Variants in NEGR1 observed in about 807,000 individuals in gnomAD.
NEGR1 encodes the protein IgLON family member 4.
A neutral mutation model predicts 40.9 loss-of-function variants in NEGR1; 10 were observed. The observed-to-expected ratio is 0.24, with a 90% CI of 0.15 to 0.42. NEGR1 has a LOEUF of 0.42. NEGR1 is among the 10% of genes least tolerant of loss of function. The pLI, the probability that NEGR1 is intolerant of heterozygous loss-of-function variation, is 1.00. For missense variants in NEGR1, 352 were observed against 438.9 expected (o/e 0.80, Z 1.77); for synonymous variants, 185 against 166.8 (o/e 1.11, Z -0.84).
At chr1:71,459,195 A>C (rs1048314768) in intron 6 of NEGR1, among the ~76,000 whole-genome samples, 1 of 152,164 alleles carries the variant, frequency 6.6e-6, no homozygotes, top group African/African-American at 2.4e-5. Context: ...TTTTCTTCCA[A>C]TAACAGCTAA....
rs184343710 is a variant in NEGR1 at position 71,869,517 on chromosome 1, C to T, written c.409+65562G>A. Among the ~76,000 whole-genome samples the T allele has an allele frequency of 8.5e-5, 13 of 152,244 alleles. No homozygotes were observed. The East Asian group carries it at 2.5e-3, about 29-fold the overall frequency. ...AGTCCATAAGGGAAATGCAATTAGT[C>T]TCACATTTATTTAATGTGATGGATA... On this transcript the variant is annotated intron_variant, in intron 2 of 6. Coordinates refer to ENST00000357731, the MANE Select transcript of NEGR1 (RefSeq NM_173808.3).
intron 6 of NEGR1, among the ~76,000 whole-genome samples, chr1:71,550,741 A>G (rs551121165): frequency 6.6e-6 from 1 of 151,638 alleles, no homozygotes; most frequent in South Asian, 2.1e-4. Context: ...CTGGACCACA[A>G]TTTTTCCTTG....
At chr1:72,026,949 G>A (rs924622737) in intron 1 of NEGR1, among the ~76,000 whole-genome samples, 3 of 151,452 alleles carry the variant, frequency 2.0e-5, no homozygotes, top group Non-Finnish European at 2.9e-5. Flanking sequence ...TTTTTGAGAC[G>A]GAGTCTTGCT....
chr1:72,031,477 A>G (rs1215012883), intron 1 of NEGR1, among the ~76,000 whole-genome samples: 2 of 152,170 alleles, frequency 1.3e-5, no homozygotes, highest in Non-Finnish European at 2.9e-5. Flanking sequence ...CATCGTAATT[A>G]TCTTCTTAAA....
chr1:71,604,380 C>CA (rs1250358029), intron 5 of NEGR1, among the ~76,000 whole-genome samples: 1 of 151,902 alleles, frequency 6.6e-6, no homozygotes, highest in African/African-American at 2.4e-5. Context: ...TTCCTACATA[C>CA]AAAAAAATTT....
intron 2 of NEGR1, among the ~76,000 whole-genome samples, chr1:71,790,154 T>A (rs1185277656): frequency 2.0e-5 from 3 of 152,084 alleles, no homozygotes; most frequent in Admixed American, 6.6e-5. Flanking sequence ...TGTTGACAGT[T>A]TAAGCAATAA....
At chr1:71,472,167 T>A (rs1646786979) in intron 6 of NEGR1, among the ~76,000 whole-genome samples, 1 of 152,120 alleles carries the variant, frequency 6.6e-6, no homozygotes, top group East Asian at 1.9e-4. Flanking sequence ...TTAAGATCTA[T>A]CATTGAGTCT....
At chr1:71,550,667 T>G (rs1216228016) in intron 6 of NEGR1, among the ~76,000 whole-genome samples, 1 of 151,604 alleles carries the variant, frequency 6.6e-6, no homozygotes, top group Non-Finnish European at 1.5e-5. Flanking sequence ...CCTAGACTAG[T>G]TTCTGAGAGT....
intron 6 of NEGR1, among the ~76,000 whole-genome samples, chr1:71,455,573 A>G (rs1646666276): frequency 6.6e-6 from 1 of 152,134 alleles, no homozygotes; most frequent in Non-Finnish European, 1.5e-5. Context: ...AAAATACAAA[A>G]AATCAGCTGG....
chr1:72,054,400 A>C (rs896663081), intron 1 of NEGR1, among the ~76,000 whole-genome samples: 2 of 151,206 alleles, frequency 1.3e-5, no homozygotes, highest in African/African-American at 2.4e-5. Flanking sequence ...TCAGTGTTAG[A>C]CTGTAGATTC....
chr1:71,914,309 A>T (rs1570495629), intron 2 of NEGR1, among the ~76,000 whole-genome samples: 1 of 152,304 alleles, frequency 6.6e-6, no homozygotes, highest in East Asian at 1.9e-4. Context: ...CTTTACTTCA[A>T]CAATCAAAAT....
intron 1 of NEGR1, among the ~76,000 whole-genome samples, chr1:72,063,062 T>C (rs1450843135): frequency 6.6e-6 from 1 of 151,894 alleles, no homozygotes; most frequent in Non-Finnish European, 1.5e-5. Context: ...AAGTCTCGAA[T>C]AGATTATGAT....
At chr1:71,609,263 C>T (rs931823064) in intron 5 of NEGR1, among the ~76,000 whole-genome samples, 1 of 151,590 alleles carries the variant, frequency 6.6e-6, no homozygotes, top group South Asian at 2.1e-4. Context: ...CGCCTGTAAT[C>T]CCAGCACTTT....
chr1:71,901,608 CA>C (rs1661144252), intron 2 of NEGR1, among the ~76,000 whole-genome samples: 1 of 150,994 alleles, frequency 6.6e-6, no homozygotes, highest in Admixed American at 6.6e-5. Flanking sequence ...CACAATGTGA[CA>C]TTGTGATACT....
chr1:72,066,120 A>G (rs961148823), intron 1 of NEGR1, among the ~76,000 whole-genome samples: 2 of 152,148 alleles, frequency 1.3e-5, no homozygotes, highest in Non-Finnish European at 1.5e-5. Context: ...ACTAGTTGCC[A>G]GGGGTTTTTC....
intron 1 of NEGR1, among the ~76,000 whole-genome samples, chr1:72,028,093 G>A (rs1328390451): frequency 2.0e-5 from 3 of 152,060 alleles, no homozygotes; most frequent in South Asian, 4.1e-4. Context: ...TCCCAAATCC[G>A]CCCAGTTAGC....
chr1:72,213,442 T>A (rs529513319), intron 1 of NEGR1, among the ~76,000 whole-genome samples: 14 of 152,058 alleles, frequency 9.2e-5, no homozygotes, highest in African/African-American at 3.4e-4. Flanking sequence ...CAATAAAAAG[T>A]TTCATATTAG....
At position 72,122,391 on chromosome 1, in the gene NEGR1, C is replaced by T. The variant is rs139388944; in HGVS notation, c.176+159928G>A. On this transcript the variant is annotated intron_variant, in intron 1 of 6. Transcript: ENST00000357731. ...GCCTTTGCAAGAACATGTACAAATA[C>T]GCGATTTCATATTTGGCAAAAAAAA... 4.7e-4 allele frequency among the ~76,000 whole-genome samples: 72 copies of T among 152,032 alleles called. 1 individual carries two copies. The East Asian group carries it at 8.3e-3, about 18-fold the overall frequency.
intron 1 of NEGR1, among the ~76,000 whole-genome samples, chr1:72,254,308 A>G (rs988813209): frequency 6.6e-6 from 1 of 152,192 alleles, no homozygotes; most frequent in Non-Finnish European, 1.5e-5. Flanking sequence ...GCAATAAATG[A>G]AGGAGAAGCT....
Sources: gnomAD v4.1 joint callset for allele counts (sites outside exome capture counted in the v4.1 genomes callset) on GRCh38, gnomAD v4.1.1 for gene constraint, MANE v1.5 for transcripts, NCBI Gene and HGNC (gene_info 2026-07-23, HGNC 2026-07-21) for gene names.